KYNU: variants seen among roughly 807,000 people sequenced by gnomAD.
KYNU encodes L-kynurenine hydrolase.
A neutral mutation model predicts 59.2 loss-of-function variants in KYNU; 54 were observed. That is an observed-to-expected ratio of 0.91 (90% confidence interval 0.73 to 1.14). The LOEUF (loss-of-function observed/expected upper bound fraction) is 1.14, where lower values mean the gene tolerates loss of function less well. KYNU is among the 50% of genes most tolerant of loss of function. The pLI is 0.00. For synonymous variants in KYNU, 177 were observed against 192.0 expected (o/e 0.92, Z 0.65); for missense variants, 567 against 554.4 (o/e 1.02, Z -0.23).
intron 4 of KYNU, among the ~76,000 whole-genome samples, chr2:142,944,505 A>G (rs1683710551): frequency 6.6e-6 from 1 of 152,362 alleles, no homozygotes; most frequent in Middle Eastern, 3.4e-3. Context: ...GTCATAGATG[A>G]TCTGATAAAG....
intron 8 of KYNU, among the ~76,000 whole-genome samples, chr2:142,964,396 A>C (rs901571902): frequency 3.3e-5 from 5 of 152,166 alleles, no homozygotes; most frequent in Admixed American, 3.3e-4. Flanking sequence ...TTGTTCTTCT[A>C]CCAGCATATA....
intron 8 of KYNU, among the ~76,000 whole-genome samples, chr2:142,971,887 C>A (rs918805911): frequency 2.6e-5 from 4 of 152,126 alleles, no homozygotes; most frequent in Non-Finnish European, 4.4e-5. Context: ...GTTTTGAGTT[C>A]TTTTTCAAAT....
intron 10 of KYNU, among the ~76,000 whole-genome samples, chr2:143,026,408 C>CA (rs1425554577): frequency 6.6e-6 from 1 of 152,212 alleles, no homozygotes; most frequent in African/African-American, 2.4e-5. Context: ...GAATTCCTGA[C>CA]AGGGGTGCCT....
intron 2 of KYNU, among the ~76,000 whole-genome samples, chr2:142,912,683 T>A (rs1682524656): frequency 6.8e-6 from 1 of 147,936 alleles, no homozygotes; most frequent in Admixed American, 6.8e-5. Context: ...CCAGCTGGGA[T>A]CTTTTGTATT....
chr2:142,937,974 T>C (rs549941801), intron 4 of KYNU, among the ~76,000 whole-genome samples: 1 of 152,350 alleles, frequency 6.6e-6, no homozygotes, highest in Non-Finnish European at 1.5e-5. Context: ...AATGTCCTTA[T>C]TTGGTTTCAA....
intron 8 of KYNU, among the ~76,000 whole-genome samples, chr2:142,975,844 C>T (rs1558954478): frequency 1.3e-5 from 2 of 152,168 alleles, no homozygotes; most frequent in African/African-American, 4.8e-5. Flanking sequence ...CATGTTTACT[C>T]TAATTTCATT....
intron 10 of KYNU, among the ~76,000 whole-genome samples, chr2:143,018,408 G>A (rs1049770680): frequency 3.3e-5 from 5 of 152,026 alleles, no homozygotes; most frequent in African/African-American, 7.2e-5. Flanking sequence ...GTCCTTTTCC[G>A]ATTGCTTGTT....
At chr2:142,914,581 G>A (rs1682611355) in intron 2 of KYNU, among the ~76,000 whole-genome samples, 1 of 152,122 alleles carries the variant, frequency 6.6e-6, no homozygotes, top group African/African-American at 2.4e-5. Context: ...CAAGTCTATA[G>A]GCATCATTTT....
rs1687323728 is a variant in KYNU, at chr2:143,054,702, AG to A, written c.*12534del. On this transcript the variant is annotated 3_prime_UTR_variant, in exon 14 of 14. Transcript: ENST00000264170. ...AGTTTATAAAAAGTATGAAGAATAGAGGGGCAATTAAATGATACCATAAAGA... is the reference window on the plus strand; with the variant it reads ...AGTTTATAAAAAGTATGAAGAATAGAGGGCAATTAAATGATACCATAAAGA... The A allele has an allele frequency of 6.6e-6, 1 of 152,206 alleles. No homozygotes were observed. Among genetic ancestry groups the A allele is most frequent in the South Asian group, 2.1e-4 (1 of 4,832 alleles). The allele number at this position is 152,206 out of a possible 1,614,324, so 9.4% of individuals were successfully genotyped here. A position where few individuals can be genotyped will look rare whatever the true frequency, so the allele number is the denominator to read the frequency against.
intron 10 of KYNU, among the ~76,000 whole-genome samples, chr2:143,013,094 C>T (rs942071526): frequency 6.6e-6 from 1 of 152,164 alleles, no homozygotes; most frequent in Non-Finnish European, 1.5e-5. Context: ...CTCCCAGGCT[C>T]AAGTGATCCT....
chr2:142,939,897 A>G (rs1683535690), intron 4 of KYNU, among the ~76,000 whole-genome samples: 1 of 152,184 alleles, frequency 6.6e-6, no homozygotes, highest in South Asian at 2.1e-4. Flanking sequence ...CCCAGGGCTA[A>G]TCTGGGCAGC....
Position 143,043,866 on chromosome 2 carries a change from T to C in KYNU, c.*1694T>C, listed in dbSNP as rs1687123519. 6.7e-6 allele frequency: 1 copy of C among 149,780 alleles called. No homozygotes were observed. The highest frequency in any genetic ancestry group is 1.5e-5 in the Non-Finnish European group (1 of 67,558). The allele number at this position is 149,780 out of a possible 1,614,324, so 9.3% of individuals were successfully genotyped here. On this transcript the variant is annotated 3_prime_UTR_variant, in exon 14 of 14. Transcript: ENST00000264170. ...TATATATATTTATACTTTAAGTTCT[T>C]GGATACACGTGCAGAACATGCAGGT...
rs139981827 is a variant in KYNU, at chr2:142,922,637, C to T, written c.290+3908C>T. 8.3e-3 allele frequency among the ~76,000 whole-genome samples: 1,265 copies of T among 152,314 alleles called. 11 individuals carry two copies. The highest frequency in any genetic ancestry group is 0.02 in the Middle Eastern group (6 of 294). On this transcript the variant is annotated intron_variant, in intron 3 of 13. Coordinates refer to ENST00000264170, the MANE Select transcript of KYNU (RefSeq NM_003937.3). The stretch of plus-strand genomic sequence containing the variant: ...AAAGTAGGAAATGCCATTTGGCTCA[C>T]GGATTCCATCTTCTCCAGTTTTATG...
chr2:142,954,463 A>T (rs1024680107), intron 4 of KYNU, among the ~76,000 whole-genome samples: 1 of 152,092 alleles, frequency 6.6e-6, no homozygotes, highest in Non-Finnish European at 1.5e-5. Context: ...GATTCCTTTG[A>T]AGATATACTT....
At chr2:142,952,774 T>A (rs1370556404) in intron 4 of KYNU, among the ~76,000 whole-genome samples, 1 of 152,188 alleles carries the variant, frequency 6.6e-6, no homozygotes, top group Non-Finnish European at 1.5e-5. Flanking sequence ...AGCCTCCTTT[T>A]TCCTGCCTCT....
chr2:142,948,977 G>C (rs1683891578), intron 4 of KYNU, among the ~76,000 whole-genome samples: 1 of 152,192 alleles, frequency 6.6e-6, no homozygotes, highest in Non-Finnish European at 1.5e-5. Context: ...CAGGCACTGG[G>C]TAAATACAGC....
At chr2:142,965,754 A>G (rs915581887) in intron 8 of KYNU, among the ~76,000 whole-genome samples, 1 of 152,112 alleles carries the variant, frequency 6.6e-6, no homozygotes, top group Non-Finnish European at 1.5e-5. Flanking sequence ...TTTCACATCT[A>G]TGGCCCTAAA....
chr2:143,036,090 G>T (rs922095709), intron 12 of KYNU, among the ~76,000 whole-genome samples: 4 of 151,928 alleles, frequency 2.6e-5, no homozygotes, highest in African/African-American at 9.7e-5. Flanking sequence ...GATGAGGTCT[G>T]GCTATGTTGT....
chr2:142,896,425 TA>T (rs1355941724), intron 2 of KYNU, among the ~76,000 whole-genome samples: 1 of 152,222 alleles, frequency 6.6e-6, no homozygotes, highest in Non-Finnish European at 1.5e-5. Flanking sequence ...TAAGCTTATG[TA>T]CCATCCATGC....
Sources: gnomAD v4.1 joint callset for allele counts (sites outside exome capture counted in the v4.1 genomes callset) on GRCh38, gnomAD v4.1.1 for gene constraint, MANE v1.5 for transcripts, NCBI Gene and HGNC (gene_info 2026-07-23, HGNC 2026-07-21) for gene names.